The following MFHAS1 variants were observed in gnomAD, a reference collection of about 807,000 sequenced individuals.
MFHAS1 encodes the protein multifunctional ROCO family signaling regulator 1, also known as malignant fibrous histiocytoma-amplified sequence 1.
A neutral mutation model predicts 70.4 loss-of-function variants in MFHAS1; 50 were observed. That is an observed-to-expected ratio of 0.71 (90% CI 0.57 to 0.90). MFHAS1 has a LOEUF of 0.90. Ranked by LOEUF, MFHAS1 falls within the 40% of genes least tolerant of loss-of-function variation. MFHAS1 has a pLI of 0.00. For synonymous variants in MFHAS1, 952 were observed against 620.0 expected (o/e 1.54, Z -7.96); for missense variants, 1,795 against 1,347.6 (o/e 1.33, Z -5.20).
At chr8:8,839,919 T>C (rs1807740371) in intron 1 of MFHAS1, among the ~76,000 whole-genome samples, 1 of 151,650 alleles carries the variant, frequency 6.6e-6, no homozygotes, top group Non-Finnish European at 1.5e-5. Context: ...TAATAGCAAG[T>C]CAAGATAAAC....
At chr8:8,850,205 T>C (rs1808190404) in intron 1 of MFHAS1, among the ~76,000 whole-genome samples, 1 of 152,216 alleles carries the variant, frequency 6.6e-6, no homozygotes, top group African/African-American at 2.4e-5. Context: ...CTACACCCCT[T>C]GTAAACTATT....
intron 1 of MFHAS1, among the ~76,000 whole-genome samples, chr8:8,850,761 G>C (rs1044396344): frequency 1.4e-5 from 2 of 144,388 alleles, no homozygotes; most frequent in African/African-American, 2.6e-5. Context: ...GGAGGCGAAG[G>C]TTACAGTGAG....
At chr8:8,873,382 C>T (rs1809162556) in intron 1 of MFHAS1, among the ~76,000 whole-genome samples, 1 of 152,084 alleles carries the variant, frequency 6.6e-6, no homozygotes, top group Non-Finnish European at 1.5e-5. Flanking sequence ...CTCCCAAGAA[C>T]CTGACTGGGG....
intron 1 of MFHAS1, among the ~76,000 whole-genome samples, chr8:8,817,946 C>G (rs1403613241): frequency 6.6e-6 from 1 of 152,192 alleles, no homozygotes; most frequent in African/African-American, 2.4e-5. Flanking sequence ...AGCCCAGTTC[C>G]TAACAGCCCA....
chr8:8,865,213 GT>G (rs1808811335), intron 1 of MFHAS1, among the ~76,000 whole-genome samples: 1 of 142,998 alleles, frequency 7.0e-6, no homozygotes, highest in African/African-American at 2.5e-5. Context: ...GGAGCTGGAG[GT>G]TGCAGTAAGC....
At chr8:8,829,765 A>G (rs865864429) in intron 1 of MFHAS1, among the ~76,000 whole-genome samples, 1 of 152,226 alleles carries the variant, frequency 6.6e-6, no homozygotes, top group South Asian at 2.1e-4. Context: ...GGCAGGACCA[A>G]TGGATGACAG....
At chr8:8,835,408 G>A (rs1364686774) in intron 1 of MFHAS1, among the ~76,000 whole-genome samples, 2 of 152,162 alleles carry the variant, frequency 1.3e-5, no homozygotes, top group Non-Finnish European at 2.9e-5. Flanking sequence ...GCATCCCGGA[G>A]CAGAGTTACG....
intron 1 of MFHAS1, among the ~76,000 whole-genome samples, chr8:8,864,600 T>C (rs1223961825): frequency 6.6e-6 from 1 of 152,244 alleles, no homozygotes; most frequent in African/African-American, 2.4e-5. Context: ...ATTTACATCA[T>C]CTTACAGAAC....
intron 1 of MFHAS1, among the ~76,000 whole-genome samples, chr8:8,858,629 C>T (rs1808540544): frequency 1.3e-5 from 2 of 152,084 alleles, no homozygotes; most frequent in South Asian, 4.2e-4. Flanking sequence ...AATAGACAGT[C>T]CTCCCTCGGT....
chr8:8,825,051 C>T (rs183588027), intron 1 of MFHAS1, among the ~76,000 whole-genome samples: 1 of 152,358 alleles, frequency 6.6e-6, no homozygotes, highest in African/African-American at 2.4e-5. Context: ...CTCATGCTGT[C>T]CTAGAGATTC....
intron 2 of MFHAS1, among the ~76,000 whole-genome samples, chr8:8,787,709 G>C (rs1191237143): frequency 3.3e-5 from 5 of 152,188 alleles, no homozygotes; most frequent in African/African-American, 1.2e-4. Flanking sequence ...AGCTAACTTT[G>C]GTGGTGTGAG....
intron 2 of MFHAS1, among the ~76,000 whole-genome samples, chr8:8,794,636 G>A (rs1289966782): frequency 2.6e-5 from 4 of 152,112 alleles, no homozygotes; most frequent in East Asian, 3.8e-4. Context: ...TCCAAGAAAC[G>A]TCTTGCCAGG....
intron 1 of MFHAS1, among the ~76,000 whole-genome samples, chr8:8,886,933 C>G (rs1224448890): frequency 6.6e-6 from 1 of 152,164 alleles, no homozygotes; most frequent in African/African-American, 2.4e-5. Flanking sequence ...CAAGACCAGC[C>G]TGGCCAACCT....
At chr8:8,852,254 A>G (rs1462003652) in intron 1 of MFHAS1, among the ~76,000 whole-genome samples, 1 of 152,146 alleles carries the variant, frequency 6.6e-6, no homozygotes, top group Non-Finnish European at 1.5e-5. Flanking sequence ...CGGGCAGATC[A>G]CTTGAGGTCA....
intron 1 of MFHAS1, among the ~76,000 whole-genome samples, chr8:8,823,440 C>T (rs905271166): frequency 6.6e-6 from 1 of 152,192 alleles, no homozygotes; most frequent in Non-Finnish European, 1.5e-5. Flanking sequence ...GTTCCCGAAA[C>T]ACCGTGAGTC....
At chr8:8,792,822 T>C (rs1805763030) in intron 2 of MFHAS1, among the ~76,000 whole-genome samples, 1 of 152,152 alleles carries the variant, frequency 6.6e-6, no homozygotes, top group Non-Finnish European at 1.5e-5. Context: ...AAATTATACA[T>C]CAATAAAGCT....
chr8:8,789,086 A>G (rs894626908), intron 2 of MFHAS1, among the ~76,000 whole-genome samples: 3 of 151,402 alleles, frequency 2.0e-5, no homozygotes, highest in Admixed American at 6.6e-5. Flanking sequence ...GCAGGCAGCC[A>G]GCTGAGACTC....
rs1342674036 is a variant in MFHAS1, at chr8:8,890,140, C to A, written c.2919G>T (p.Trp973Cys). ...VEELNVLLQE[W>C]PGLHYTVHIL... ...TGTGCACGGTGTAGTGCAGTCCAGG[C>A]CATTCCTGAAGTAGGACATTCAGTT... The change falls in exon 1 of 3, where the codon TGG becomes TGT. Residue 973 changes from tryptophan (W) to cysteine (C), a missense_variant. Coordinates refer to ENST00000276282, the MANE Select transcript of MFHAS1 (RefSeq NM_004225.3). 1 of 1,614,156 alleles carries A rather than the reference C, an allele frequency of 6.2e-7. No individual in the cohort carries two copies. Among genetic ancestry groups the A allele is most frequent in the Non-Finnish European group, 8.5e-7 (1 of 1,180,040 alleles).
At chr8:8,875,482 T>A (rs1809254143) in intron 1 of MFHAS1, among the ~76,000 whole-genome samples, 1 of 152,248 alleles carries the variant, frequency 6.6e-6, no homozygotes, top group South Asian at 2.1e-4. Context: ...TAACTACATA[T>A]TTTTAAAACC....
Sources: allele counts gnomAD v4.1 joint callset (sites outside exome capture counted in the v4.1 genomes callset), GRCh38; gene constraint gnomAD v4.1.1; transcripts MANE v1.5; gene names NCBI Gene and HGNC (gene_info 2026-07-23, HGNC 2026-07-21).